The following SLC28A1 variants were observed in gnomAD, a reference collection of about 807,000 sequenced individuals.
SLC28A1 encodes the protein solute carrier family 28 member 1.
In SLC28A1, 64 loss-of-function variants were observed where a neutral mutation model predicts 74.8. That is an observed-to-expected ratio of 0.86 (90% CI 0.70 to 1.05). SLC28A1 has a LOEUF of 1.05. Ranked by LOEUF, SLC28A1 falls within the 50% of genes least tolerant of loss-of-function variation. SLC28A1 has a pLI of 0.00. For synonymous variants in SLC28A1, 359 were observed against 335.0 expected (o/e 1.07, Z -0.78); for missense variants, 828 against 822.8 (o/e 1.01, Z -0.08).
At chr15:84,884,811 G>C (rs1294327520) in intron 1 of SLC28A1, 60 bp downstream of exon 1, 1 of 844,776 alleles carries the variant, frequency 1.2e-6, no homozygotes, top group Non-Finnish European at 1.4e-6. Context: ...GAGGGGAAGG[G>C]GGTAGCACAG....
the SLC28A1 span, among the ~76,000 whole-genome samples, chr15:84,968,810 A>T: frequency 6.6e-6 from 1 of 152,144 alleles, no homozygotes; most frequent in African/African-American, 2.4e-5. Flanking sequence ...CTCATCCCCA[A>T]AGTTCTTTTT....
Position 84,902,731 on chromosome 15 carries a change from G to GT in SLC28A1, c.462-1350dup, listed in dbSNP as rs200395938. On this transcript the variant is annotated intron_variant, in intron 6 of 18. Coordinates refer to ENST00000394573, the MANE Select transcript of SLC28A1 (RefSeq NM_004213.5). The stretch of plus-strand genomic sequence containing the variant: ...TAAAAAATCTGAGACAAGCATTTAA[G>GT]TTTTTTTTTTTTTTTTGAGATGGCG... Among the ~76,000 whole-genome samples, 1,393 of 139,944 alleles carry GT rather than the reference G, an allele frequency of 1.0e-2. 23 individuals are homozygous for GT. Among genetic ancestry groups the GT allele is most frequent in the Middle Eastern group, 0.037 (10 of 272 alleles). The allele number at this position is 139,944 out of a possible 152,430, so 91.8% of individuals were successfully genotyped here.
intron 6 of SLC28A1, 82 bp downstream of exon 6, chr15:84,895,205 G>T: frequency 6.3e-7 from 1 of 1,582,188 alleles, no homozygotes; most frequent in Non-Finnish European, 8.6e-7. Flanking sequence ...GGCCAGGGCT[G>T]GAGGAGGAGG....
At chr15:84,965,501 T>C in the SLC28A1 span, among the ~76,000 whole-genome samples, 7,800 of 152,266 alleles carry the variant, frequency 0.051, 522 homozygotes, top group Admixed American at 0.17. Context: ...CTTCTTTTCT[T>C]ATAAGTGTAT....
intron 5 of SLC28A1, 139 bp from the exon 6 acceptor site, chr15:84,894,801 G>A: frequency 1.2e-6 from 1 of 812,286 alleles, no homozygotes; most frequent in Non-Finnish European, 2.1e-6. Context: ...TCCAGATGAG[G>A]AAACAGGCTC....
intron 12 of SLC28A1, among the ~76,000 whole-genome samples, chr15:84,927,171 C>T (rs1200608035): frequency 6.6e-6 from 1 of 152,112 alleles, no homozygotes; most frequent in Non-Finnish European, 1.5e-5. Context: ...CTGGTGCACC[C>T]ACCCACCCCA....
the SLC28A1 span, among the ~76,000 whole-genome samples, chr15:84,972,375 C>T: frequency 2.0e-4 from 30 of 152,312 alleles, no homozygotes; most frequent in African/African-American, 7.2e-4. Context: ...ATGGGCAAGT[C>T]ACCTCCCTGG....
chr15:84,956,396 TTC>T, the SLC28A1 span, among the ~76,000 whole-genome samples: 2 of 148,228 alleles, frequency 1.3e-5, no homozygotes, highest in African/African-American at 5.0e-5. Flanking sequence ...TTGCGCATTT[TTC>T]TCTCTCCCTT....
chr15:84,898,857 C>G (rs1265501900), intron 6 of SLC28A1, among the ~76,000 whole-genome samples: 1 of 152,062 alleles, frequency 6.6e-6, no homozygotes, highest in Non-Finnish European at 1.5e-5. Flanking sequence ...CAGGAGATTC[C>G]CTAAGTTGAA....
In SLC28A1 at chr15:84,918,746, T is replaced by C. The variant is rs1338601648; in HGVS notation, c.876+142T>C. On this transcript the variant is annotated intron_variant, in intron 10 of 18. Coordinates refer to ENST00000394573, the MANE Select transcript of SLC28A1 (RefSeq NM_004213.5). ...AAGCCCACACCCTTCCAGAGTCCCC[T>C]GTTCCCAGTGCCTCCACCTTCCCAG... The C allele has an allele frequency of 1.2e-5, 9 of 740,132 alleles. No individual in the cohort carries two copies. The East Asian group carries it at 2.0e-4, about 17-fold the overall frequency. 45.8% of individuals were successfully genotyped at this position (740,132 alleles called of 1,614,324 possible).
chr15:84,935,917 A>G (rs1478382360), intron 15 of SLC28A1, among the ~76,000 whole-genome samples: 3 of 150,468 alleles, frequency 2.0e-5, no homozygotes, highest in Non-Finnish European at 4.4e-5. Context: ...AGGCTTCACT[A>G]ACACCCTCAC....
Position 84,884,733 on chromosome 15 carries a change from G to T in SLC28A1, c.-151G>T, listed in dbSNP as rs887773025. The stretch of plus-strand genomic sequence containing the variant: ...GTGTTGTGTTCCTGGCTTCCCTCTG[G>T]ATGCTGACAGAAACAAGGGTGAGAG... On this transcript the variant is annotated 5_prime_UTR_variant, in exon 1 of 19. Transcript: ENST00000394573. 4.1e-6 allele frequency: 4 copies of T among 985,604 alleles called. No homozygotes were observed. In the African/African-American group the frequency reaches 7.0e-5, roughly 17 times the overall value. The allele number at this position is 985,604 out of a possible 1,614,324, so 61.1% of individuals were successfully genotyped here. A position where few individuals can be genotyped will look rare whatever the true frequency, so the allele number is the denominator to read the frequency against.
At chr15:84,928,848 C>T (rs1277458491) in intron 12 of SLC28A1, among the ~76,000 whole-genome samples, 1 of 151,866 alleles carries the variant, frequency 6.6e-6, no homozygotes, top group Non-Finnish European at 1.5e-5. Flanking sequence ...GCCTTGAACT[C>T]CTCACCTCAG....
At position 84,887,725 on chromosome 15, in the gene SLC28A1, C is replaced by T; in HGVS notation, c.-16-20C>T. 2 of 1,606,826 alleles carry T rather than the reference C, an allele frequency of 1.2e-6. No homozygotes were observed. Among genetic ancestry groups the T allele is most frequent in the Non-Finnish European group, 8.5e-7 (1 of 1,173,412 alleles). On this transcript the variant is annotated intron_variant, in intron 2 of 18. Coordinates refer to ENST00000394573, the MANE Select transcript of SLC28A1 (RefSeq NM_004213.5). ...CCGGCCTCCCTTTCAGCGTTGGGCG[C>T]TCCCTGATTTGTCTTTCAGCTGGAA...
At chr15:84,904,804 GATGTGTACTAAATTC>G (rs1966874518) in intron 7 of SLC28A1, among the ~76,000 whole-genome samples, 3 of 76,226 alleles carry the variant, frequency 3.9e-5, no homozygotes, top group Non-Finnish European at 8.7e-5. Flanking sequence ...ACTAAATTCT[GATGTGTACTAAATTC>G]TGATGTACAC....
intron 9 of SLC28A1, among the ~76,000 whole-genome samples, chr15:84,910,653 A>G (rs537949361): frequency 2.3e-4 from 35 of 152,246 alleles, no homozygotes; most frequent in South Asian, 1.7e-3. Flanking sequence ...GCTTGAACCC[A>G]GGAGGCAGAG....
rs1202330353 is a variant in SLC28A1, at chr15:84,905,886, G to T, written c.717+234G>T. On this transcript the variant is annotated intron_variant, in intron 8 of 18. Coordinates refer to ENST00000394573, the MANE Select transcript of SLC28A1 (RefSeq NM_004213.5). ...ATAGAGTAGTCTTTCCAGAGGCTGG[G>T]TCTGCAATCAGCAGTAACTTGGAAA... Among the ~76,000 whole-genome samples, 43 of 151,808 alleles carry T rather than the reference G, an allele frequency of 2.8e-4. 1 individual carries two copies. The highest frequency in any genetic ancestry group is 2.8e-3 in the Admixed American group (43 of 15,260).
At position 84,931,631 on chromosome 15, in the gene SLC28A1, G is replaced by A. The variant is rs372766331; in HGVS notation, c.1084-1514G>A. Among the ~76,000 whole-genome samples the A allele has an allele frequency of 9.0e-4, 109 of 121,658 alleles. 2 individuals carry two copies. The South Asian group carries it at 0.026, about 30-fold the overall frequency. 79.8% of individuals were successfully genotyped at this position (121,658 alleles called of 152,430 possible). On this transcript the variant is annotated intron_variant, in intron 12 of 18. Transcript: ENST00000394573. ...GGCGCCACTACACTCCAGACTGGGCGACAGAGTGAGACTCCATCTCAAAAA... is the reference window on the plus strand; with the variant it reads ...GGCGCCACTACACTCCAGACTGGGCAACAGAGTGAGACTCCATCTCAAAAA...
the SLC28A1 span, among the ~76,000 whole-genome samples, chr15:84,970,288 C>T: frequency 6.6e-6 from 1 of 152,172 alleles, no homozygotes; most frequent in Non-Finnish European, 1.5e-5. Context: ...TTCTCAGAAG[C>T]CCCTCTCCAC....
Sources: gnomAD v4.1 joint callset for allele counts (sites outside exome capture counted in the v4.1 genomes callset) on GRCh38, gnomAD v4.1.1 for gene constraint, MANE v1.5 for transcripts, NCBI Gene and HGNC (gene_info 2026-07-23, HGNC 2026-07-21) for gene names.